The following STMN4 variants were observed in gnomAD, a reference collection of about 807,000 sequenced individuals.
STMN4 encodes the protein stathmin-4.
A neutral mutation model predicts 29.1 loss-of-function variants in STMN4; 12 were observed. The ratio of observed to expected loss-of-function variants is 0.41; its 90% CI spans 0.26 to 0.67. The LOEUF is 0.67. STMN4 is among the 30% of genes least tolerant of loss of function. The pLI is 0.30. For synonymous variants in STMN4, 114 were observed against 105.3 expected, an observed-to-expected ratio of 1.08 and a Z score of -0.51; for missense variants, 181 against 262.8, an observed-to-expected ratio of 0.69 and a Z score of 2.15.
chr8:27,247,361 C>G (rs1016048617), intron 1 of STMN4, among the ~76,000 whole-genome samples: 4 of 151,880 alleles, frequency 2.6e-5, no homozygotes, highest in African/African-American at 7.3e-5. Context: ...GCACTCAAGA[C>G]CCAAAAGATA....
chr8:27,242,337 T>A, intron 3 of STMN4, 60 bp downstream of exon 3: 1 of 1,536,388 alleles, frequency 6.5e-7, no homozygotes, highest in Non-Finnish European at 9.0e-7. Flanking sequence ...GTGCAGGACC[T>A]ATGAGGACAG....
intron 6 of STMN4, among the ~76,000 whole-genome samples, chr8:27,238,281 A>G (rs1801366438): frequency 6.6e-6 from 1 of 152,200 alleles, no homozygotes; most frequent in African/African-American, 2.4e-5. Context: ...CACAGCAGGC[A>G]TTGTTGAAGG....
chr8:27,245,746 G>A (rs1215964155), intron 1 of STMN4, among the ~76,000 whole-genome samples: 1 of 152,236 alleles, frequency 6.6e-6, no homozygotes, highest in Non-Finnish European at 1.5e-5. Flanking sequence ...TGAATAGGTG[G>A]AGGGGAGGCA....
At chr8:27,255,689 G>T (rs955622097) in intron 1 of STMN4, among the ~76,000 whole-genome samples, 6 of 151,926 alleles carry the variant, frequency 3.9e-5, no homozygotes, top group Admixed American at 3.9e-4. Context: ...GTCAATCTTT[G>T]TTGCTCTATT....
At chr8:27,246,576 C>T (rs1292925128) in intron 1 of STMN4, among the ~76,000 whole-genome samples, 1 of 134,470 alleles carries the variant, frequency 7.4e-6, no homozygotes, top group Non-Finnish European at 1.6e-5. Context: ...GAAAGAAGGG[C>T]TTAATGAAGG....
chr8:27,236,232 C>CCAGGTTT lies in STMN4; in HGVS notation c.*607_*613dup, dbSNP rs1801306828. 1 of 152,250 alleles carries CCAGGTTT rather than the reference C, an allele frequency of 6.6e-6. No individual in the cohort carries two copies. The highest frequency in any genetic ancestry group is 1.5e-5 in the Non-Finnish European group (1 of 68,032). The allele number at this position is 152,250 out of a possible 1,614,324, so 9.4% of individuals were successfully genotyped here. A position where few individuals can be genotyped will look rare whatever the true frequency, so the allele number is the denominator to read the frequency against. On this transcript the variant is annotated 3_prime_UTR_variant, in exon 7 of 7. Transcript: ENST00000350889. ...GCATCTGCCATCAGATGGATGAAAG[C>CCAGGTTT]CAGGTTTCGAGAACTTTTTAACAAT...
chr8:27,236,921 G>T lies in STMN4; in HGVS notation c.592-16C>A. Reference sequence around the variant, plus strand: ...CGTGCTTGTCCTGGAAAGGAAGGGAGGGAAAAGGGCAGGTCACACAAGGCT... The same window carrying T: ...CGTGCTTGTCCTGGAAAGGAAGGGATGGAAAAGGGCAGGTCACACAAGGCT... On this transcript the variant is annotated splice_polypyrimidine_tract_variant and intron_variant, in intron 6 of 6. Transcript: ENST00000350889. 1 of 1,605,448 alleles carries T rather than the reference G, an allele frequency of 6.2e-7. No individual in the cohort carries two copies. The highest frequency in any genetic ancestry group is 8.5e-7 in the Non-Finnish European group (1 of 1,176,376).
At chr8:27,250,812 G>C (rs1488244491) in intron 1 of STMN4, among the ~76,000 whole-genome samples, 2 of 152,212 alleles carry the variant, frequency 1.3e-5, no homozygotes, top group African/African-American at 4.8e-5. Context: ...GAACTCTGAA[G>C]GCCTGAATCT....
intron 3 of STMN4, 124 bp downstream of exon 3, chr8:27,242,273 G>T (rs541971675): frequency 3.1e-6 from 3 of 964,200 alleles, no homozygotes; most frequent in African/African-American, 1.6e-5. Flanking sequence ...TGATTTCATC[G>T]GCACTGGGAA....
intron 1 of STMN4, among the ~76,000 whole-genome samples, chr8:27,256,128 G>A (rs1801932489): frequency 6.6e-6 from 1 of 152,220 alleles, no homozygotes; most frequent in African/African-American, 2.4e-5. Flanking sequence ...AGTACTGTAT[G>A]ATTCCACTTA....
intron 3 of STMN4, chr8:27,242,169 T>C (rs1586007694): frequency 1.7e-6 from 1 of 586,650 alleles, no homozygotes; most frequent in Admixed American, 3.0e-5. Flanking sequence ...CAAGATCGAG[T>C]GCACTCTGGG....
chr8:27,252,126 C>T (rs1801807519), intron 1 of STMN4, among the ~76,000 whole-genome samples: 1 of 150,268 alleles, frequency 6.7e-6, no homozygotes, highest in Admixed American at 6.8e-5. Flanking sequence ...CATGTCCCTA[C>T]AAAGGACACG....
At position 27,236,739 on chromosome 8, in the gene STMN4, C is replaced by A; in HGVS notation, c.*107G>T. On this transcript the variant is annotated 3_prime_UTR_variant, in exon 7 of 7. Transcript: ENST00000350889. ...GGAAACGCCCCTTGGCCACCCCCCT[C>A]CCCCCAAACCCCAGTGCTGGGAGCG... 4.8e-6 allele frequency: 5 copies of A among 1,031,910 alleles called. No individual in the cohort carries two copies. Among genetic ancestry groups the A allele is most frequent in the South Asian group, 2.0e-5 (1 of 49,436 alleles). The allele number at this position is 1,031,910 out of a possible 1,614,324, so 63.9% of individuals were successfully genotyped here. A position where few individuals can be genotyped will look rare whatever the true frequency, so the allele number is the denominator to read the frequency against.
At chr8:27,251,301 TATA>T (rs993595920) in intron 1 of STMN4, among the ~76,000 whole-genome samples, 3 of 117,986 alleles carry the variant, frequency 2.5e-5, no homozygotes, top group African/African-American at 9.4e-5. Context: ...TATATATACA[TATA>T]ATATTATATA....
chr8:27,241,141 G>A lies in STMN4; in HGVS notation c.312C>T (p.Pro104=), dbSNP rs1302078465. The part of the protein sequence containing the change: ...ILKPPSFDGV[P]EFNASLPRRR... ...GCCTTGGCAGGGAGGCGTTGAACTCGGGAACCCCATCAAAGGAGGGTGGCT... is the reference window on the plus strand; with the variant it reads ...GCCTTGGCAGGGAGGCGTTGAACTCAGGAACCCCATCAAAGGAGGGTGGCT... Residue 104 remains proline, a synonymous_variant, in exon 5 of 7, where the codon CCC becomes CCT. Coordinates refer to ENST00000350889, the MANE Select transcript of STMN4 (RefSeq NM_030795.4). The A allele has an allele frequency of 1.2e-6, 2 of 1,614,198 alleles. No homozygotes were observed. The highest frequency in any genetic ancestry group is 1.7e-5 in the Admixed American group (1 of 60,024).
At chr8:27,241,329 C>A (rs1178411822) in intron 4 of STMN4, 67 bp from the exon 5 acceptor site, 43 of 1,592,562 alleles carry the variant, frequency 2.7e-5, no homozygotes, top group Middle Eastern at 2.0e-4. Flanking sequence ...AAGCATGCGG[C>A]GCATGCACAC....
chr8:27,250,781 T>TC (rs1254013121), intron 1 of STMN4, among the ~76,000 whole-genome samples: 1 of 152,056 alleles, frequency 6.6e-6, no homozygotes, highest in Non-Finnish European at 1.5e-5. Context: ...TTCTAGGAAA[T>TC]AAGCACCTAT....
chr8:27,237,534 T>C (rs1439684487), intron 6 of STMN4, among the ~76,000 whole-genome samples: 1 of 152,200 alleles, frequency 6.6e-6, no homozygotes, highest in Non-Finnish European at 1.5e-5. Context: ...GGATTACAGA[T>C]GTGAGCCACC....
intron 2 of STMN4, 72 bp from the exon 3 acceptor site, chr8:27,242,564 G>C: frequency 6.6e-7 from 1 of 1,508,734 alleles, no homozygotes; most frequent in Non-Finnish European, 9.1e-7. Context: ...CACGGGTCTG[G>C]GGCTCTGAGC....
Sources: gnomAD v4.1 joint callset for allele counts (sites outside exome capture counted in the v4.1 genomes callset) on GRCh38, gnomAD v4.1.1 for gene constraint, MANE v1.5 for transcripts, NCBI Gene and HGNC (gene_info 2026-07-23, HGNC 2026-07-21) for gene names.